The following PCDH15 variants were observed in gnomAD, a reference collection of about 807,000 sequenced individuals.
PCDH15 encodes the protein protocadherin-15.
In PCDH15, 129 loss-of-function variants were observed where a neutral mutation model predicts 178.5. That is an observed-to-expected ratio of 0.72 (90% CI 0.63 to 0.84). PCDH15 has a LOEUF of 0.84. Among genes scored for constraint, PCDH15 ranks in the 40% least tolerant of loss-of-function variants. PCDH15 has a pLI of 0.00. For synonymous variants in PCDH15, 800 were observed against 732.0 expected, an observed-to-expected ratio of 1.09 and a Z score of -1.50; for missense variants, 2,230 against 2,099.9, an observed-to-expected ratio of 1.06 and a Z score of -1.21.
At chr10:55,350,266 T>C (rs1199872710) in intron 2 of PCDH15, among the ~76,000 whole-genome samples, 33 of 58,972 alleles carry the variant, frequency 5.6e-4, no homozygotes, top group African/African-American at 1.7e-3. Context: ...TATATATATA[T>C]ATACACACAC....
chr10:54,926,895 A>G (rs1837641503), intron 2 of PCDH15, among the ~76,000 whole-genome samples: 1 of 152,174 alleles, frequency 6.6e-6, no homozygotes, highest in Non-Finnish European at 1.5e-5. Context: ...ACAAGAAAAT[A>G]ACAACTCCTG....
intron 2 of PCDH15, among the ~76,000 whole-genome samples, chr10:55,589,775 A>G (rs1409662416): frequency 4.7e-5 from 7 of 149,604 alleles, no homozygotes; most frequent in African/African-American, 7.3e-5. Flanking sequence ...ACCATCTCAC[A>G]CCAGTTAGAA....
At chr10:54,191,233 TG>T (rs2048960963) in intron 11 of PCDH15, among the ~76,000 whole-genome samples, 1 of 152,110 alleles carries the variant, frequency 6.6e-6, no homozygotes, top group Non-Finnish European at 1.5e-5. Context: ...TGTAAACTCA[TG>T]AGGGAGAAAG....
rs1175079884 is a variant in PCDH15, at chr10:54,518,014, G to A, written c.157+9798C>T. ...AATAAAGATGTTCTTTCAAAACAACGAGAACAAAGACGCAATATACCAGAA... is the reference window on the plus strand; with the variant it reads ...AATAAAGATGTTCTTTCAAAACAACAAGAACAAAGACGCAATATACCAGAA... On this transcript the variant is annotated intron_variant, in intron 3 of 37. Transcript: ENST00000644397. Among the ~76,000 whole-genome samples, 3 of 152,266 alleles carry A rather than the reference G, an allele frequency of 2.0e-5. No individual in the cohort carries two copies. In the South Asian group the frequency reaches 6.2e-4, roughly 32 times the overall value.
intron 2 of PCDH15, among the ~76,000 whole-genome samples, chr10:55,467,521 G>A (rs994797808): frequency 3.9e-5 from 6 of 151,944 alleles, no homozygotes; most frequent in African/African-American, 1.5e-4. Flanking sequence ...TAATGTCATG[G>A]GATGGATGTT....
intron 15 of PCDH15, among the ~76,000 whole-genome samples, chr10:54,111,988 C>A (rs4007259): frequency 0.54 from 52,071 of 96,260 alleles, 10,766 homozygotes; most frequent in African/African-American, 0.57. Context: ...AAAAAAAAAA[C>A]AAAACTTAGC....
At position 54,977,653 on chromosome 10, in the gene PCDH15, C is replaced by A. The variant is rs529851653; in HGVS notation, c.-79-80153G>T. On this transcript the variant is annotated intron_variant, in intron 2 of 5. Transcript: ENST00000458638. ...ATAAGCAGCCCTTAGGGCTTTTCTG[C>A]CTATGAAATAGTCATCCTTCATTTT... 9.2e-5 allele frequency among the ~76,000 whole-genome samples: 14 copies of A among 152,234 alleles called. No homozygotes were observed. In the South Asian group the frequency reaches 2.9e-3, roughly 32 times the overall value.
intron 2 of PCDH15, among the ~76,000 whole-genome samples, chr10:55,513,660 T>C (rs77555734): frequency 0.046 from 6,999 of 152,084 alleles, 418 homozygotes; most frequent in East Asian, 0.29. Flanking sequence ...ATTAAAACTT[T>C]ATTTTTATAT....
chr10:53,898,431 A>G (rs1390290337), intron 26 of PCDH15, among the ~76,000 whole-genome samples: 1 of 152,184 alleles, frequency 6.6e-6, no homozygotes, highest in East Asian at 1.9e-4. Flanking sequence ...AGAAAAACGA[A>G]TTACCATTGG....
intron 26 of PCDH15, among the ~76,000 whole-genome samples, chr10:53,894,756 AC>A (rs2081835240): frequency 6.6e-6 from 1 of 152,302 alleles, no homozygotes; most frequent in East Asian, 1.9e-4. Context: ...AAATAAGCAA[AC>A]CATCAGCTTA....
chr10:54,290,923 C>T (rs561744479), intron 8 of PCDH15, among the ~76,000 whole-genome samples: 14 of 152,308 alleles, frequency 9.2e-5, no homozygotes, highest in African/African-American at 3.4e-4. Context: ...TACAAAGAGA[C>T]TTAGACTCCC....
chr10:55,511,491 T>C (rs1304231250), intron 2 of PCDH15, among the ~76,000 whole-genome samples: 3 of 152,086 alleles, frequency 2.0e-5, no homozygotes, highest in Admixed American at 1.3e-4. Flanking sequence ...TTCTCACACA[T>C]TTTCTTCTGA....
At chr10:54,497,375 G>T (rs746307905) in intron 3 of PCDH15, among the ~76,000 whole-genome samples, 1 of 152,076 alleles carries the variant, frequency 6.6e-6, no homozygotes, top group African/African-American at 2.4e-5. Flanking sequence ...GAATTCTGGT[G>T]ACTATAAAAC....
intron 18 of PCDH15, among the ~76,000 whole-genome samples, chr10:54,059,661 G>A (rs1911383): frequency 0.62 from 93,813 of 151,982 alleles, 29,266 homozygotes; most frequent in Middle Eastern, 0.76. Flanking sequence ...CATTTCTAAG[G>A]TGTTTCTATT....
At chr10:54,443,281 C>A (rs1589436514) in intron 3 of PCDH15, among the ~76,000 whole-genome samples, 2 of 151,558 alleles carry the variant, frequency 1.3e-5, no homozygotes. Context: ...AGATTGGGAT[C>A]TTTTTCTGAC....
intron 29 of PCDH15, among the ~76,000 whole-genome samples, 185 bp downstream of exon 29, chr10:53,840,135 C>G (rs2077550158): frequency 6.6e-6 from 1 of 151,738 alleles, no homozygotes; most frequent in Admixed American, 6.6e-5. Context: ...GTCACTGTAG[C>G]CCACACTTAG....
chr10:55,281,660 G>A lies in PCDH15; in HGVS notation c.-156+37939C>T, dbSNP rs776457221. ...GACAATGACTCGCACATGTGTCTCCGCACCAATCATCATCTCCGTGGATCA... is the reference window on the plus strand; with the variant it reads ...GACAATGACTCGCACATGTGTCTCCACACCAATCATCATCTCCGTGGATCA... On this transcript the variant is annotated intron_variant, in intron 1 of 5. Transcript: ENST00000458638. Among the ~76,000 whole-genome samples the A allele has an allele frequency of 1.4e-4, 22 of 152,002 alleles. 2 individuals are homozygous for A. In the East Asian group the frequency reaches 3.1e-3, roughly 21 times the overall value.
chr10:54,787,279 A>G (rs1211458872), intron 1 of PCDH15, among the ~76,000 whole-genome samples: 2 of 151,760 alleles, frequency 1.3e-5, no homozygotes, highest in Non-Finnish European at 2.9e-5. Flanking sequence ...AGGAAAAAAA[A>G]ACAATTTTTA....
intron 2 of PCDH15, among the ~76,000 whole-genome samples, chr10:54,570,102 C>T (rs1243089738): frequency 4.0e-5 from 6 of 151,408 alleles, no homozygotes; most frequent in Non-Finnish European, 5.9e-5. Flanking sequence ...CTCACTGTCT[C>T]GGGAGTATGT....
Sources: allele counts gnomAD v4.1 joint callset (sites outside exome capture counted in the v4.1 genomes callset), GRCh38; gene constraint gnomAD v4.1.1; transcripts MANE v1.5; gene names NCBI Gene and HGNC (gene_info 2026-07-23, HGNC 2026-07-21).